Variants in NKIRAS1 observed in about 807,000 individuals in gnomAD.
The protein encoded by NKIRAS1 is NFKB inhibitor interacting Ras like 1.
In NKIRAS1, 16 loss-of-function variants were observed where a neutral mutation model predicts 19.8. The observed-to-expected ratio is 0.81, with a 90% CI of 0.55 to 1.23. The LOEUF is 1.23. Ranked by LOEUF, NKIRAS1 falls within the 50% of genes most tolerant of loss-of-function variation. NKIRAS1 has a pLI of 0.00. For missense variants in NKIRAS1, 184 were observed against 220.0 expected (o/e 0.84, Z 1.04); for synonymous variants, 88 against 79.0 (o/e 1.11, Z -0.61).
At chr3:23,943,023 G>C (rs1705536082) in intron 1 of NKIRAS1, among the ~76,000 whole-genome samples, 2 of 152,324 alleles carry the variant, frequency 1.3e-5, no homozygotes, top group Middle Eastern at 3.4e-3. Flanking sequence ...CCAAAGTGCT[G>C]GGATTACAGG....
upstream of NKIRAS1, chr3:23,920,706 C>T (rs550160106): frequency 1.5e-5 from 15 of 984,736 alleles, no homozygotes; most frequent in South Asian, 7.1e-4. Flanking sequence ...TAATTGATTT[C>T]CAGGAAGTAC....
upstream of NKIRAS1, chr3:23,917,674 A>T: frequency 1.6e-6 from 1 of 611,242 alleles, no homozygotes; most frequent in South Asian, 2.1e-5. Flanking sequence ...AAGTGACTGA[A>T]CGCGGCTCCG....
chr3:23,945,446 C>G (rs1392436481), intron 1 of NKIRAS1: 13 of 348,148 alleles, frequency 3.7e-5, no homozygotes, highest in African/African-American at 2.7e-4. Flanking sequence ...GGGAGCCCCG[C>G]CCGCTCTGCC....
intron 4 of NKIRAS1, among the ~76,000 whole-genome samples, chr3:23,894,167 C>A (rs1315981213): frequency 1.3e-5 from 2 of 152,278 alleles, no homozygotes; most frequent in African/African-American, 4.8e-5. Flanking sequence ...ATACACCAGA[C>A]ACTGCGCGTG....
chr3:23,915,207 A>G (rs2125437466), intron 1 of NKIRAS1, among the ~76,000 whole-genome samples: 1 of 152,312 alleles, frequency 6.6e-6, no homozygotes, highest in Middle Eastern at 3.4e-3. Flanking sequence ...AGTGCTGGAG[A>G]GGACAGAAGG....
Position 23,926,138 on chromosome 3 carries a change from C to T in NKIRAS1, c.-139-14688G>A, listed in dbSNP as rs1705207782. 6.6e-6 allele frequency among the ~76,000 whole-genome samples: 1 copy of T among 152,126 alleles called. No individual in the cohort carries two copies. The highest frequency in any genetic ancestry group is 2.4e-5 in the African/African-American group (1 of 41,404). On this transcript the variant is annotated intron_variant, in intron 1 of 4. Coordinates refer to the NKIRAS1 transcript ENST00000421515. The surrounding 1 kb of genome is among the most constrained non-coding windows in gnomAD (Gnocchi z 4.3). ...CAATCTTGGCTCACTGTAACCTCTG[C>T]CTCCCAGGTTCAAGCAATTCTCCCT...
chr3:23,930,636 A>G (rs558211700), intron 1 of NKIRAS1, among the ~76,000 whole-genome samples: 62 of 152,272 alleles, frequency 4.1e-4, no homozygotes, highest in African/African-American at 1.3e-3. Flanking sequence ...TCATAATTAT[A>G]ATGATCATAA....
chr3:23,918,234 A>G, upstream of NKIRAS1: 1 of 909,316 alleles, frequency 1.1e-6, no homozygotes, highest in Non-Finnish European at 1.6e-6. Flanking sequence ...GAATGAGTTC[A>G]GACTAAAGCA....
intron 4 of NKIRAS1, among the ~76,000 whole-genome samples, chr3:23,895,891 T>C (rs1218454048): frequency 6.6e-6 from 1 of 151,982 alleles, no homozygotes; most frequent in Non-Finnish European, 1.5e-5. Flanking sequence ...ATCCCGTACT[T>C]TGGGAGGTGG....
intron 3 of NKIRAS1, among the ~76,000 whole-genome samples, chr3:23,910,156 CT>C (rs34240932): frequency 0.11 from 10,910 of 96,400 alleles, 370 homozygotes; most frequent in African/African-American, 0.19. Flanking sequence ...TGCGCTCGGC[CT>C]TTTTTTTTTT....
intron 1 of NKIRAS1, among the ~76,000 whole-genome samples, chr3:23,937,556 G>GC (rs1553646783): frequency 1.4e-5 from 2 of 143,996 alleles, no homozygotes; most frequent in African/African-American, 2.5e-5. Flanking sequence ...TGTGTTTGAT[G>GC]TTTTTTTTTT....
At position 23,913,890 on chromosome 3, in the gene NKIRAS1, G is replaced by C. The variant is rs559214073; in HGVS notation, c.-139-2440C>G. On this transcript the variant is annotated intron_variant, in intron 1 of 4. Transcript: ENST00000425478. ...TCACCTTTAGGTTCCTTTCAACACTGTGATGCCATGATATTAGAAGTTGCT... is the reference window on the plus strand; with the variant it reads ...TCACCTTTAGGTTCCTTTCAACACTCTGATGCCATGATATTAGAAGTTGCT... Among the ~76,000 whole-genome samples, 6 of 152,306 alleles carry C rather than the reference G, an allele frequency of 3.9e-5. No individual in the cohort carries two copies. The South Asian group carries it at 1.0e-3, about 26-fold the overall frequency.
At chr3:23,919,501 A>T, upstream of NKIRAS1, 6 of 1,560,756 alleles carry the variant, frequency 3.8e-6, no homozygotes, top group Non-Finnish European at 5.2e-6. Flanking sequence ...GTTACCGCTA[A>T]TATAAGTAAA....
intron 1 of NKIRAS1, among the ~76,000 whole-genome samples, chr3:23,939,242 A>G (rs774642945): frequency 3.9e-5 from 6 of 152,216 alleles, no homozygotes; most frequent in Non-Finnish European, 7.3e-5. Flanking sequence ...AATGTATACG[A>G]TAAATGTCCA....
intron 1 of NKIRAS1, among the ~76,000 whole-genome samples, chr3:23,933,152 G>A (rs945310591): frequency 2.0e-5 from 3 of 152,178 alleles, no homozygotes; most frequent in African/African-American, 7.2e-5. Context: ...TCATACCTGT[G>A]TATTGTGTTA....
At position 23,945,675 on chromosome 3, in the gene NKIRAS1, G is replaced by C. The variant is rs1435146354; in HGVS notation, c.-140+648C>G. 6.2e-6 allele frequency: 6 copies of C among 961,328 alleles called. No homozygotes were observed. The East Asian group carries it at 2.1e-4, about 34-fold the overall frequency. 59.5% of individuals were successfully genotyped at this position (961,328 alleles called of 1,614,324 possible). A position where few individuals can be genotyped will look rare whatever the true frequency, so the allele number is the denominator to read the frequency against. ...CGGGGCACTTTGGGGGGCGGCGGCA[G>C]GGGGTGTCCCCATGGCCGGTGGGGC... On this transcript the variant is annotated intron_variant, in intron 1 of 4. Transcript: ENST00000421515.
chr3:23,901,798 C>T (rs1559503398), intron 3 of NKIRAS1, among the ~76,000 whole-genome samples: 1 of 152,186 alleles, frequency 6.6e-6, no homozygotes, highest in African/African-American at 2.4e-5. Context: ...TGAGGCCAGG[C>T]ACGGTGGCTC....
intron 4 of NKIRAS1, among the ~76,000 whole-genome samples, chr3:23,900,468 C>G (rs531510093): frequency 6.6e-6 from 1 of 151,978 alleles, no homozygotes; most frequent in East Asian, 1.9e-4. Flanking sequence ...TACCCTGTCT[C>G]CACTAAAAAT....
chr3:23,903,512 C>T (rs539902374), intron 3 of NKIRAS1, among the ~76,000 whole-genome samples: 1 of 151,866 alleles, frequency 6.6e-6, no homozygotes, highest in East Asian at 1.9e-4. Flanking sequence ...GAGAAACCAA[C>T]TATACAAAGA....
Sources: allele counts gnomAD v4.1 joint callset (sites outside exome capture counted in the v4.1 genomes callset), GRCh38; gene constraint gnomAD v4.1.1; non-coding constraint Gnocchi (gnomAD v3.1); transcripts MANE v1.5; gene names NCBI Gene and HGNC (gene_info 2026-07-23, HGNC 2026-07-21).